DAB2IP: variants seen among roughly 807,000 people sequenced by gnomAD.
DAB2IP encodes disabled homolog 2-interacting protein.
Under a neutral mutation model 107.2 loss-of-function variants are expected in DAB2IP, and 28 were observed. The ratio of observed to expected loss-of-function variants is 0.26; its 90% CI spans 0.19 to 0.36. The LOEUF (loss-of-function observed/expected upper bound fraction) is 0.36. DAB2IP is among the 10% of genes least tolerant of loss of function. The probability of loss-of-function intolerance (pLI) is 1.00; values close to 1 mark genes in which losing one functional copy is unlikely to be tolerated. For synonymous variants in DAB2IP, 755 were observed against 706.4 expected, an observed-to-expected ratio of 1.07 and a Z score of -1.09; for missense variants, 1,400 against 1,644.7, an observed-to-expected ratio of 0.85 and a Z score of 2.57.
chr9:121,693,962 G>A (rs1308294456), intron 2 of DAB2IP, among the ~76,000 whole-genome samples: 5 of 152,198 alleles, frequency 3.3e-5, no homozygotes, highest in African/African-American at 1.2e-4. Context: ...TGGTTCCCTA[G>A]GGGCTGCCTC....
At chr9:121,636,551 A>G (rs981477455) in intron 1 of DAB2IP, among the ~76,000 whole-genome samples, 2 of 152,142 alleles carry the variant, frequency 1.3e-5, no homozygotes, top group African/African-American at 2.4e-5. Context: ...CCAGCTGAGC[A>G]ACGCTGGGAT....
chr9:121,777,376 T>C (rs1835280475), intron 14 of DAB2IP, among the ~76,000 whole-genome samples: 2 of 152,230 alleles, frequency 1.3e-5, no homozygotes, highest in Non-Finnish European at 2.9e-5. Flanking sequence ...GTTTGGTTCA[T>C]TATGAAATAG....
rs201722275 is a variant in DAB2IP at position 121,568,494 on chromosome 9, C to CA, written c.40+1269dup. ...AGTGAATGGAAGGAGGAGGAGAATA[C>CA]AAAGGGAGGAGAGAGGGAAAAAAAT... On this transcript the variant is annotated intron_variant, in intron 1 of 16. Transcript: ENST00000259371. Among the ~76,000 whole-genome samples the CA allele has an allele frequency of 9.1e-4, 139 of 152,190 alleles. No homozygotes were observed. In the East Asian group the frequency reaches 0.023, roughly 26 times the overall value.
chr9:121,581,867 C>T (rs1271045185), intron 1 of DAB2IP, among the ~76,000 whole-genome samples: 1 of 152,216 alleles, frequency 6.6e-6, no homozygotes, highest in Non-Finnish European at 1.5e-5. Context: ...GCCTGTGCTC[C>T]AGCCCCTGTC....
At chr9:121,745,504 C>T (rs1832660392) in intron 3 of DAB2IP, among the ~76,000 whole-genome samples, 1 of 152,192 alleles carries the variant, frequency 6.6e-6, no homozygotes, top group Admixed American at 6.5e-5. Context: ...ACGCAGACTT[C>T]CAGACCTCAG....
In DAB2IP at chr9:121,634,570, C is replaced by T. The variant is rs368322779; in HGVS notation, c.41-44108C>T. Among the ~76,000 whole-genome samples the T allele has an allele frequency of 8.5e-5, 13 of 152,176 alleles. No individual in the cohort carries two copies. Among genetic ancestry groups the T allele is most frequent in the African/African-American group, 2.2e-4 (9 of 41,508 alleles). On this transcript the variant is annotated intron_variant, in intron 1 of 16. Coordinates refer to the DAB2IP transcript ENST00000259371. This position sits in a 1 kb window ranked among gnomAD's most constrained non-coding sequence, Gnocchi z 4.7. ...TCGGTGCGCAGTTTGGAAGGGGTGACGCGCAGGTCTGAGAATGGGTGGGCA... is the reference window on the plus strand; with the variant it reads ...TCGGTGCGCAGTTTGGAAGGGGTGATGCGCAGGTCTGAGAATGGGTGGGCA...
In DAB2IP at chr9:121,699,435, C is replaced by A; in HGVS notation, c.339C>A (p.Ala113=). The A allele has an allele frequency of 1.4e-6, 2 of 1,446,858 alleles. No homozygotes were observed. Among genetic ancestry groups the A allele is most frequent in the South Asian group, 1.4e-5 (1 of 73,946 alleles). 89.6% of individuals were successfully genotyped at this position (1,446,858 alleles called of 1,614,324 possible). A position where few individuals can be genotyped will look rare whatever the true frequency, so the allele number is the denominator to read the frequency against. ...TCCTGCCGGGGTTCCGGAGCGCCGCCGCCGCCGCCGCGGACAATGAGAGGT... is the reference window on the plus strand; with the variant it reads ...TCCTGCCGGGGTTCCGGAGCGCCGCAGCCGCCGCCGCGGACAATGAGAGGT... The change falls in exon 3 of 16, where the codon GCC becomes GCA. Residue 113 remains alanine, a synonymous_variant. Coordinates refer to ENST00000408936, the Ensembl canonical transcript of DAB2IP. The surrounding 1 kb of genome is among the most constrained non-coding windows in gnomAD (Gnocchi z 6.2).
At chr9:121,766,428 C>T in intron 8 of DAB2IP, 66 bp from the exon 9 acceptor site, 2 of 1,463,912 alleles carry the variant, frequency 1.4e-6, no homozygotes, top group Non-Finnish European at 1.9e-6. Flanking sequence ...CAGGTTCCTG[C>T]TCTGTGCACT....
At chr9:121,612,402 G>T (rs1414856357) in intron 1 of DAB2IP, among the ~76,000 whole-genome samples, 1 of 152,190 alleles carries the variant, frequency 6.6e-6, no homozygotes, top group Non-Finnish European at 1.5e-5. Context: ...GCCAAAAAAG[G>T]TGTCTGAACA....
intron 3 of DAB2IP, among the ~76,000 whole-genome samples, chr9:121,726,248 C>T (rs1396825515): frequency 1.3e-5 from 2 of 152,176 alleles, no homozygotes; most frequent in Non-Finnish European, 2.9e-5. Flanking sequence ...TTATAAAAAC[C>T]CAAAAGGACA....
rs1000377360 is a variant in DAB2IP, at chr9:121,635,632, G to A, written c.41-43046G>A. 6.6e-5 allele frequency among the ~76,000 whole-genome samples: 10 copies of A among 152,362 alleles called. No homozygotes were observed. In the East Asian group the frequency reaches 1.3e-3, roughly 21 times the overall value. ...CAGGGCAACCACAGGAAGGAGGGGC[G>A]CTGAGATGGGAGCGAGGCCTTGGAC... On this transcript the variant is annotated intron_variant, in intron 1 of 16. Transcript: ENST00000259371. The surrounding 1 kb of genome is among the most constrained non-coding windows in gnomAD (Gnocchi z 4.3).
intron 3 of DAB2IP, among the ~76,000 whole-genome samples, chr9:121,747,343 CTTT>C (rs10626616): frequency 2.3e-5 from 3 of 131,034 alleles, no homozygotes; most frequent in Non-Finnish European, 4.7e-5. Context: ...TCCTTAGATG[CTTT>C]TTTTTTTTTT....
chr9:121,680,499 G>T (rs898467278), intron 2 of DAB2IP, among the ~76,000 whole-genome samples: 1 of 152,154 alleles, frequency 6.6e-6, no homozygotes, highest in Non-Finnish European at 1.5e-5. Flanking sequence ...CAGGAAGCTG[G>T]TCTCCAGCCT....
Position 121,753,535 on chromosome 9 carries a change from G to A in DAB2IP, c.363-3478G>A, listed in dbSNP as rs534535554. Among the ~76,000 whole-genome samples the A allele has an allele frequency of 2.2e-4, 33 of 152,334 alleles. No homozygotes were observed. The South Asian group carries it at 6.4e-3, about 30-fold the overall frequency. On this transcript the variant is annotated intron_variant, in intron 3 of 15. Transcript: ENST00000408936. ...CAGCCCCCAGATACCACACCACATA[G>A]GGTAGCTGTGGGCATGGCTCCTGGA...
At chr9:121,679,763 G>A (rs1828484714) in intron 2 of DAB2IP, among the ~76,000 whole-genome samples, 1 of 152,090 alleles carries the variant, frequency 6.6e-6, no homozygotes, top group Non-Finnish European at 1.5e-5. Flanking sequence ...GGAAGTGATT[G>A]GCTATTCACA....
chr9:121,725,333 C>T (rs546721570), intron 3 of DAB2IP, among the ~76,000 whole-genome samples: 19 of 152,298 alleles, frequency 1.2e-4, no homozygotes, highest in Non-Finnish European at 2.8e-4. Flanking sequence ...ATTCCCCTAA[C>T]GAGCCAGGTT....
intron 3 of DAB2IP, among the ~76,000 whole-genome samples, chr9:121,722,381 G>T (rs570584266): frequency 6.6e-6 from 1 of 152,102 alleles, no homozygotes; most frequent in Non-Finnish European, 1.5e-5. Flanking sequence ...AGCCTGTTTG[G>T]GTGTCTTCCT....
exon 13 of DAB2IP, chr9:121,774,360 C>G (rs745997669): frequency 8.7e-6 from 14 of 1,612,730 alleles, no homozygotes; most frequent in South Asian, 6.6e-5. Context: ...GGCCCAGACC[C>G]CCCCCACAGG....
At position 121,776,347 on chromosome 9, in the gene DAB2IP, G is replaced by A; in HGVS notation, c.3270G>A (p.Arg1090=). ...AGGAGGGCGAGGAGCGGCTGCGGCG[G>A]CAGCAGGAGGACAAGGACATCCAGA... The change falls in exon 14 of 16, where the codon CGG becomes CGA. Residue 1090 remains arginine, a synonymous_variant. Coordinates refer to ENST00000408936, the Ensembl canonical transcript of DAB2IP. This position sits in a 1 kb window ranked among gnomAD's most constrained non-coding sequence, Gnocchi z 5.4. 1 of 1,552,860 alleles carries A rather than the reference G, an allele frequency of 6.4e-7. No individual in the cohort carries two copies. Among genetic ancestry groups the A allele is most frequent in the African/African-American group, 1.4e-5 (1 of 73,338 alleles).
Sources: gnomAD v4.1 joint callset for allele counts (sites outside exome capture counted in the v4.1 genomes callset) on GRCh38, gnomAD v4.1.1 for gene constraint, Gnocchi (gnomAD v3.1) non-coding constraint, MANE v1.5 for transcripts, NCBI Gene and HGNC (gene_info 2026-07-23, HGNC 2026-07-21) for gene names.